Variants in HTR2A observed in about 807,000 individuals in gnomAD.
The protein encoded by HTR2A is 5-HT2 receptor.
Under a neutral mutation model 31.0 loss-of-function variants are expected in HTR2A, and 14 were observed. The observed-to-expected ratio is 0.45, with a 90% CI of 0.30 to 0.71. The LOEUF is 0.71. HTR2A is among the 30% of genes least tolerant of loss of function. HTR2A has a pLI of 0.09. For missense variants in HTR2A, 442 were observed against 573.3 expected (o/e 0.77, Z 2.34); for synonymous variants, 209 against 225.2 (o/e 0.93, Z 0.64).
chr13:46,860,928 G>A (rs1039272270), intron 3 of HTR2A, among the ~76,000 whole-genome samples: 10 of 152,170 alleles, frequency 6.6e-5, no homozygotes, highest in Admixed American at 6.5e-4. Context: ...GGAGCTTGAT[G>A]AAAAATGAAT....
intron 3 of HTR2A, among the ~76,000 whole-genome samples, chr13:46,851,050 C>T (rs1226628901): frequency 6.6e-6 from 1 of 152,124 alleles, no homozygotes; most frequent in Non-Finnish European, 1.5e-5. Flanking sequence ...AGTTCATGTT[C>T]ATGTGACTAC....
intron 3 of HTR2A, among the ~76,000 whole-genome samples, chr13:46,891,598 C>T (rs111472989): frequency 2.0e-5 from 3 of 152,128 alleles, no homozygotes; most frequent in African/African-American, 4.8e-5. Flanking sequence ...CTGGCACTGG[C>T]GTGGCCATAA....
chr13:46,844,955 A>G (rs867855637), intron 3 of HTR2A, among the ~76,000 whole-genome samples: 4 of 152,308 alleles, frequency 2.6e-5, no homozygotes, highest in African/African-American at 7.2e-5. Flanking sequence ...ACTTAGCACT[A>G]TGTGAGACTC....
chr13:46,835,372 A>C lies in HTR2A; in HGVS notation c.881T>G (p.Leu294Arg), dbSNP rs755187812. ...LPQSSLSSEK[L>R]FQRSIHREPG... ...CTCCCTATGGATCGACCGCTGGAAGAGCTTTTCTGAAGACAAAGAACTCTG... is the reference window on the plus strand; with the variant it reads ...CTCCCTATGGATCGACCGCTGGAAGCGCTTTTCTGAAGACAAAGAACTCTG... The change falls in exon 4 of 4, where the codon CTC becomes CGC. Residue 294 changes from leucine to arginine, a missense_variant. Transcript: ENST00000542664. 6.2e-7 allele frequency: 1 copy of C among 1,614,098 alleles called. No individual in the cohort carries two copies. Among genetic ancestry groups the C allele is most frequent in the Non-Finnish European group, 8.5e-7 (1 of 1,179,984 alleles).
chr13:46,860,114 T>C lies in HTR2A; in HGVS notation c.614-24475A>G, dbSNP rs143489437. ...TTTCGAGGAATTCTCAGAATTCTCC[T>C]CAACCCACAACTTAAGGCCTAATAC... is the stretch of plus-strand genomic sequence containing the variant. On this transcript the variant is annotated intron_variant, in intron 3 of 3. Coordinates refer to ENST00000542664, the MANE Select transcript of HTR2A (RefSeq NM_000621.5). 5.9e-3 allele frequency among the ~76,000 whole-genome samples: 892 copies of C among 152,284 alleles called. 8 individuals carry two copies. The highest frequency in any genetic ancestry group is 0.02 in the African/African-American group (847 of 41,566).
Position 46,896,559 on chromosome 13 carries a change from C to A in HTR2A, c.-329+115G>T, listed in dbSNP as rs370570696. 490 of 814,778 alleles carry A rather than the reference C, an allele frequency of 6.0e-4. 8 individuals are homozygous for A. The South Asian group carries it at 8.6e-3, about 14-fold the overall frequency. 50.5% of individuals were successfully genotyped at this position (814,778 alleles called of 1,614,324 possible). On this transcript the variant is annotated intron_variant, in intron 1 of 3. Transcript: ENST00000542664. ...CAAAAAAGTCTTAAGTAAAGATTAG[C>A]AGACAACTTTCCTCCCTGGAAATTC...
chr13:46,893,686 A>G (rs535867184), intron 2 of HTR2A, among the ~76,000 whole-genome samples: 1 of 152,348 alleles, frequency 6.6e-6, no homozygotes, highest in African/African-American at 2.4e-5. Flanking sequence ...TGCTTTATGG[A>G]CATAAACAAA....
intron 3 of HTR2A, among the ~76,000 whole-genome samples, chr13:46,864,986 C>A (rs1950808399): frequency 6.6e-6 from 1 of 151,964 alleles, no homozygotes; most frequent in Non-Finnish European, 1.5e-5. Context: ...TTAAATTTAC[C>A]CAACCTAACC....
At chr13:46,887,239 GA>G (rs1450854039) in intron 3 of HTR2A, among the ~76,000 whole-genome samples, 1 of 151,928 alleles carries the variant, frequency 6.6e-6, no homozygotes, top group African/African-American at 2.4e-5. Context: ...CTAACATGGT[GA>G]AACCCCATCT....
Position 46,886,893 on chromosome 13 carries a change from C to T in HTR2A, c.613+5497G>A, listed in dbSNP as rs187215805. Among the ~76,000 whole-genome samples, 61 of 152,232 alleles carry T rather than the reference C, an allele frequency of 4.0e-4. No individual in the cohort carries two copies. In the East Asian group the frequency reaches 7.3e-3, roughly 18 times the overall value. On this transcript the variant is annotated intron_variant, in intron 3 of 3. Transcript: ENST00000542664. ...TCAGAGCTCCTCAAAATGGAGAACA[C>T]GTCAGGCTTTCATCTGGGATCATGA... is the stretch of plus-strand genomic sequence containing the variant.
chr13:46,882,399 G>A (rs1462001339), intron 3 of HTR2A, among the ~76,000 whole-genome samples: 2 of 152,204 alleles, frequency 1.3e-5, no homozygotes, highest in African/African-American at 4.8e-5. Context: ...GGAAACAAAT[G>A]ATGCTGGGAC....
Position 46,896,227 on chromosome 13 carries a change from T to G in HTR2A, c.-321A>C. ...GGTTTTTTTTGAGCGCTCGGGAAGATAAATGTCCTGGACAAAGAAGAAAAG... is the reference window on the plus strand; with the variant it reads ...GGTTTTTTTTGAGCGCTCGGGAAGAGAAATGTCCTGGACAAAGAAGAAAAG... On this transcript the variant is annotated 5_prime_UTR_variant, in exon 2 of 4. Transcript: ENST00000542664. 8.9e-7 allele frequency: 1 copy of G among 1,121,930 alleles called. No homozygotes were observed. The highest frequency in any genetic ancestry group is 3.6e-5 in the South Asian group (1 of 27,486). 69.5% of individuals were successfully genotyped at this position (1,121,930 alleles called of 1,614,324 possible).
intron 3 of HTR2A, among the ~76,000 whole-genome samples, chr13:46,840,914 C>T (rs994162166): frequency 2.0e-5 from 3 of 152,280 alleles, no homozygotes; most frequent in African/African-American, 7.2e-5. Flanking sequence ...ACCCAAATCT[C>T]ATCTTGAATT....
intron 3 of HTR2A, among the ~76,000 whole-genome samples, chr13:46,884,969 G>A (rs1950995198): frequency 6.6e-6 from 1 of 151,896 alleles, no homozygotes; most frequent in South Asian, 2.1e-4. Flanking sequence ...AAATACAGTG[G>A]TCCCCCCTTG....
In HTR2A at chr13:46,838,649, G is replaced by A. The variant is rs572608139; in HGVS notation, c.614-3010C>T. On this transcript the variant is annotated intron_variant, in intron 3 of 3. Transcript: ENST00000542664. ...TAATTTTAGCTTCTGCCAGGGTGAC[G>A]CCGGGTCTTAATCAATTTTAATTTT... Among the ~76,000 whole-genome samples, 16 of 152,192 alleles carry A rather than the reference G, an allele frequency of 1.1e-4. No homozygotes were observed. In the East Asian group the frequency reaches 2.1e-3, roughly 20 times the overall value.
At chr13:46,861,249 T>C (rs1950776285) in intron 3 of HTR2A, among the ~76,000 whole-genome samples, 2 of 152,226 alleles carry the variant, frequency 1.3e-5, no homozygotes, top group Non-Finnish European at 2.9e-5. Context: ...TTAGCATTCC[T>C]GATATTTGTA....
intron 3 of HTR2A, among the ~76,000 whole-genome samples, chr13:46,858,601 G>A (rs1950757004): frequency 6.6e-6 from 1 of 152,200 alleles, no homozygotes; most frequent in Admixed American, 6.5e-5. Flanking sequence ...GCATGAGTGT[G>A]AACTGGAAAT....
Position 46,835,200 on chromosome 13 carries a change from C to T in HTR2A, c.1053G>A (p.Glu351=). The change falls in exon 4 of 4, where the codon GAG becomes GAA. Residue 351 remains glutamate (E), a synonymous_variant. Transcript: ENST00000542664. ...CCCCAATGACATCCTCATTGCAGGA[C>T]TCTTTGCAGATGACGGCCATGATGT... ...ITNIMAVICK[E]SCNEDVIGAL... 1 of 1,614,094 alleles carries T rather than the reference C, an allele frequency of 6.2e-7. No homozygotes were observed. Among genetic ancestry groups the T allele is most frequent in the Non-Finnish European group, 8.5e-7 (1 of 1,180,010 alleles).
Position 46,895,983 on chromosome 13 carries a change from T to G in HTR2A, c.-77A>C, listed in dbSNP as rs1357010693. The G allele has an allele frequency of 6.5e-7, 1 of 1,527,270 alleles. No individual in the cohort carries two copies. Among genetic ancestry groups the G allele is most frequent in the African/African-American group, 1.4e-5 (1 of 72,554 alleles). 94.6% of individuals were successfully genotyped at this position (1,527,270 alleles called of 1,614,324 possible). ...AGTTTCTGCTCACCATTCACCTTGA[T>G]GTACCCACACTCTGTAACACTGAGG... On this transcript the variant is annotated 5_prime_UTR_variant, in exon 2 of 4. Transcript: ENST00000542664. The surrounding 1 kb of genome is among the most constrained non-coding windows in gnomAD (Gnocchi z 4.4).
Sources: allele counts gnomAD v4.1 joint callset (sites outside exome capture counted in the v4.1 genomes callset), GRCh38; gene constraint gnomAD v4.1.1; non-coding constraint Gnocchi (gnomAD v3.1); transcripts MANE v1.5; gene names NCBI Gene and HGNC (gene_info 2026-07-23, HGNC 2026-07-21).